Variants in ABR observed in about 807,000 individuals in gnomAD.
The protein encoded by ABR is ABR activator of RhoGEF and GTPase.
In ABR, 35 loss-of-function variants were observed where a neutral mutation model predicts 107.2. The ratio of observed to expected loss-of-function variants is 0.33; its 90% CI spans 0.25 to 0.43. The LOEUF is 0.43. Among genes scored for constraint, ABR ranks in the 20% least tolerant of loss-of-function variants. The pLI, the probability that ABR is intolerant of heterozygous loss-of-function variation, is 1.00. For missense variants in ABR, 815 were observed against 1,115.2 expected (o/e 0.73, Z 3.83); for synonymous variants, 498 against 462.0 (o/e 1.08, Z -1.00).
Position 1,084,871 on chromosome 17 carries a change from C to T in ABR, c.532-1244G>A, listed in dbSNP as rs1246907636. Among the ~76,000 whole-genome samples the T allele has an allele frequency of 6.6e-6, 1 of 152,070 alleles. No homozygotes were observed. Among genetic ancestry groups the T allele is most frequent in the Non-Finnish European group, 1.5e-5 (1 of 68,014 alleles). On this transcript the variant is annotated intron_variant, in intron 4 of 22. Transcript: ENST00000302538. This position sits in a 1 kb window ranked among gnomAD's most constrained non-coding sequence, Gnocchi z 4.2. ...TTGCCCAGGCTGCAGTACAGTGGTG[C>T]GATCTCGGCTCACCGCAACCTCCCG...
rs115327400 is a variant in ABR at position 1,137,559 on chromosome 17, C to G, written c.62-12192G>C. On this transcript the variant is annotated intron_variant, in intron 1 of 22. Coordinates refer to ENST00000302538, the MANE Select transcript of ABR (RefSeq NM_021962.5). ...GTTGCCGGGTCCGGTCTGTGGTGCC[C>G]AAAACAATGACAATGCTAACATGGA... 3.3e-3 allele frequency among the ~76,000 whole-genome samples: 498 copies of G among 152,150 alleles called. 2 individuals carry two copies. The highest frequency in any genetic ancestry group is 0.011 in the African/African-American group (475 of 41,498).
At chr17:1,160,309 A>C (rs2041239400) in intron 1 of ABR, among the ~76,000 whole-genome samples, 1 of 148,154 alleles carries the variant, frequency 6.7e-6, no homozygotes, top group Non-Finnish European at 1.5e-5. Flanking sequence ...CACACACACA[A>C]AAGGACTAAC....
Position 1,092,077 on chromosome 17 carries a change from C to T in ABR, c.346-227G>A, listed in dbSNP as rs761572196. 4.6e-5 allele frequency among the ~76,000 whole-genome samples: 7 copies of T among 152,068 alleles called. No individual in the cohort carries two copies. The highest frequency in any genetic ancestry group is 1.3e-4 in the Admixed American group (2 of 15,266). On this transcript the variant is annotated intron_variant, in intron 3 of 22. Coordinates refer to ENST00000302538, the MANE Select transcript of ABR (RefSeq NM_021962.5). This position sits in a 1 kb window ranked among gnomAD's most constrained non-coding sequence, Gnocchi z 4.6. Reference sequence around the variant, plus strand: ...CCTGGCCTGGCAGCTGTGCCAGGCCCGAGGGGTGGTGCCTGGGCTCACTCC... The same window carrying T: ...CCTGGCCTGGCAGCTGTGCCAGGCCTGAGGGGTGGTGCCTGGGCTCACTCC...
At chr17:1,040,854 T>A (rs1365064857) in intron 16 of ABR, among the ~76,000 whole-genome samples, 1 of 152,232 alleles carries the variant, frequency 6.6e-6, no homozygotes, top group Admixed American at 6.5e-5. Flanking sequence ...AAAGCTAGAC[T>A]CAGCCCCGCA....
At chr17:1,220,997 G>A (rs149065669) in intron 1 of ABR, among the ~76,000 whole-genome samples, 42 of 152,040 alleles carry the variant, frequency 2.8e-4, no homozygotes, top group East Asian at 2.5e-3. Context: ...CCGTGGCTCC[G>A]TTGTTATTTG....
At chr17:1,056,294 T>C (rs1392470484) in intron 13 of ABR, among the ~76,000 whole-genome samples, 185 bp from the exon 14 acceptor site, 1 of 151,920 alleles carries the variant, frequency 6.6e-6, no homozygotes, top group East Asian at 1.9e-4. Flanking sequence ...CTGCCCGGGG[T>C]AGGGCTAGGG....
At chr17:1,113,448 G>A (rs1047832157) in intron 2 of ABR, among the ~76,000 whole-genome samples, 6 of 151,982 alleles carry the variant, frequency 3.9e-5, no homozygotes, top group Admixed American at 6.6e-5. Flanking sequence ...CACCAGGCCC[G>A]GCTAATTTTT....
chr17:1,013,944 A>T (rs757289685), intron 16 of ABR, among the ~76,000 whole-genome samples: 6 of 152,256 alleles, frequency 3.9e-5, no homozygotes, highest in Non-Finnish European at 8.8e-5. Context: ...GCACCTGCGA[A>T]CTAATTCTGA....
intron 2 of ABR, chr17:1,109,157 G>T (rs564124812): frequency 1.5e-5 from 22 of 1,422,656 alleles, no homozygotes; most frequent in South Asian, 2.8e-5. Context: ...GGGCGGGAGG[G>T]GGGGCAGGTC....
intron 4 of ABR, among the ~76,000 whole-genome samples, chr17:1,085,872 C>T (rs1302100473): frequency 1.3e-5 from 2 of 152,148 alleles, no homozygotes; most frequent in South Asian, 2.1e-4. Flanking sequence ...AGGGGCCAGG[C>T]GCGGTGGCTC....
chr17:1,220,764 C>A (rs1309215690), intron 1 of ABR, among the ~76,000 whole-genome samples: 1 of 152,140 alleles, frequency 6.6e-6, no homozygotes. Context: ...TAAACCAAGG[C>A]AGGGAATGTA....
chr17:1,213,907 A>C (rs1450925447), intron 1 of ABR, among the ~76,000 whole-genome samples: 2 of 151,936 alleles, frequency 1.3e-5, no homozygotes, highest in African/African-American at 4.8e-5. Context: ...TTGTTTTTTG[A>C]GACCGAGTCT....
intron 1 of ABR, chr17:1,185,175 G>A (rs1279798257): frequency 6.6e-6 from 1 of 152,190 alleles, no homozygotes; most frequent in Non-Finnish European, 1.5e-5. Context: ...AAAGTAGAAA[G>A]AGAACTGGTA....
rs758264473 is a variant in ABR at position 1,037,474 on chromosome 17, G to A, written c.1791+12576C>T. ...TGCAGGAGAAGTGTCCCGACAGCCC[G>A]TCCCTGGCAAACCCTAGCGATTCTC... On this transcript the variant is annotated intron_variant, in intron 16 of 22. Coordinates refer to ENST00000302538, the MANE Select transcript of ABR (RefSeq NM_021962.5). This position sits in a 1 kb window ranked among gnomAD's most constrained non-coding sequence, Gnocchi z 4.6. 3.3e-5 allele frequency among the ~76,000 whole-genome samples: 5 copies of A among 152,194 alleles called. No homozygotes were observed. The highest frequency in any genetic ancestry group is 2.1e-4 in the South Asian group (1 of 4,828).
At chr17:1,031,572 C>A (rs2150913860) in intron 16 of ABR, 1 of 1,186,696 alleles carries the variant, frequency 8.4e-7, no homozygotes, top group South Asian at 3.5e-5. Flanking sequence ...CCCCCACCCC[C>A]CGGAACCTCC....
intron 1 of ABR, among the ~76,000 whole-genome samples, chr17:1,218,684 CATT>C (rs1242231961): frequency 1.3e-5 from 2 of 152,332 alleles, no homozygotes; most frequent in Non-Finnish European, 2.9e-5. Flanking sequence ...AAAACCATCT[CATT>C]ATAGTCAGCT....
In ABR at chr17:1,148,697, G is replaced by C. The variant is rs867045559; in HGVS notation, c.62-23330C>G. On this transcript the variant is annotated intron_variant, in intron 1 of 22. Coordinates refer to ENST00000302538, the MANE Select transcript of ABR (RefSeq NM_021962.5). The surrounding 1 kb of genome is among the most constrained non-coding windows in gnomAD (Gnocchi z 4.9). ...AGCGCTCCCCACCCTTCCCCGGTCC[G>C]TGGAAAAAGTGTCTTCCACGAAGCC... 6.6e-6 allele frequency among the ~76,000 whole-genome samples: 1 copy of C among 152,196 alleles called. No individual in the cohort carries two copies. The highest frequency in any genetic ancestry group is 2.4e-5 in the African/African-American group (1 of 41,444).
At chr17:1,029,113 AAAAAC>A (rs892059610) in intron 16 of ABR, among the ~76,000 whole-genome samples, 7 of 152,142 alleles carry the variant, frequency 4.6e-5, no homozygotes, top group Admixed American at 2.0e-4. Context: ...AAAAAAAAAA[AAAAAC>A]AAACAGGGAA....
chr17:1,192,788 C>T (rs563841647), intron 1 of ABR, among the ~76,000 whole-genome samples: 2 of 152,160 alleles, frequency 1.3e-5, no homozygotes, highest in African/African-American at 4.8e-5. Flanking sequence ...GTGGAAGGCA[C>T]CTATAATCCC....
Sources: gnomAD v4.1 joint callset for allele counts (sites outside exome capture counted in the v4.1 genomes callset) on GRCh38, gnomAD v4.1.1 for gene constraint, Gnocchi (gnomAD v3.1) non-coding constraint, MANE v1.5 for transcripts, NCBI Gene and HGNC (gene_info 2026-07-23, HGNC 2026-07-21) for gene names.